Variants in HEATR5A observed in about 807,000 individuals in gnomAD.
HEATR5A encodes HEAT repeat containing 5A, also known as HEAT repeat-containing protein 5A.
Under a neutral mutation model 218.8 loss-of-function variants are expected in HEATR5A, and 178 were observed. That is an observed-to-expected ratio of 0.81 (90% CI 0.72 to 0.92). The LOEUF is 0.92. HEATR5A is among the 40% of genes least tolerant of loss of function. The pLI, the probability that HEATR5A is intolerant of heterozygous loss-of-function variation, is 0.00. For synonymous variants in HEATR5A, 864 were observed against 871.6 expected, an observed-to-expected ratio of 0.99 and a Z score of 0.15; for missense variants, 2,420 against 2,418.9, an observed-to-expected ratio of 1.00 and a Z score of -0.01.
intron 14 of HEATR5A, among the ~76,000 whole-genome samples, 182 bp downstream of exon 14, chr14:31,364,007 G>GT (rs1367146853): frequency 6.6e-6 from 1 of 151,758 alleles, no homozygotes; most frequent in Non-Finnish European, 1.5e-5. Context: ...AACCCCGAAT[G>GT]TTTTTTTTAC....
At position 31,386,502 on chromosome 14, in the gene HEATR5A, C is replaced by G. The variant is rs966020475; in HGVS notation, c.1263G>C (p.Leu421=). The change falls in exon 9 of 36, where the codon CTG becomes CTC. Residue 421 remains leucine, a synonymous_variant. Coordinates refer to ENST00000543095, the MANE Select transcript of HEATR5A (RefSeq NM_015473.4). The stretch of plus-strand genomic sequence containing the variant: ...TTCCAAGTTCTTGTAAAGCACAAAC[C>G]AGCATATGTTGGCTAGCGGCTACAT... ...STDVAASQHM[L]VCALQELGNL... 13 of 1,612,470 alleles carry G rather than the reference C, an allele frequency of 8.1e-6. No individual in the cohort carries two copies. Among genetic ancestry groups the G allele is most frequent in the Non-Finnish European group, 1.1e-5 (13 of 1,179,478 alleles).
chr14:31,297,336 GGT>G (rs1038531996), intron 33 of HEATR5A: 1 of 152,416 alleles, frequency 6.6e-6, no homozygotes, highest in South Asian at 2.1e-4. Context: ...CAGGAGCAGT[GGT>G]GTGTGTCTAT....
intron 13 of HEATR5A, among the ~76,000 whole-genome samples, chr14:31,370,441 G>A (rs560912075): frequency 1.0e-3 from 153 of 152,314 alleles, no homozygotes; most frequent in African/African-American, 3.6e-3. Context: ...GGATGGGGTA[G>A]AATTGATAAC....
At chr14:31,416,502 T>C (rs908228791) in intron 1 of HEATR5A, among the ~76,000 whole-genome samples, 7 of 152,160 alleles carry the variant, frequency 4.6e-5, no homozygotes, top group African/African-American at 1.4e-4. Flanking sequence ...TCCTTCATTT[T>C]TGTCACATAA....
chr14:31,400,846 T>A (rs1279168915), intron 2 of HEATR5A, among the ~76,000 whole-genome samples: 1 of 634 alleles, frequency 1.6e-3, no homozygotes, highest in Non-Finnish European at 0.019. Context: ...TTATTATTGT[T>A]TTTTTTTTTT....
intron 13 of HEATR5A, among the ~76,000 whole-genome samples, chr14:31,364,701 G>T (rs779804693): frequency 2.0e-5 from 3 of 152,140 alleles, no homozygotes; most frequent in African/African-American, 7.2e-5. Context: ...TGGGATTACA[G>T]GCCCAAGCCA....
chr14:31,375,029 T>G, intron 11 of HEATR5A, 61 bp from the exon 12 acceptor site: 9 of 1,370,480 alleles, frequency 6.6e-6, no homozygotes, highest in East Asian at 2.5e-5. Flanking sequence ...TTTAAAACTC[T>G]ATTATTAAGC....
At chr14:31,375,515 G>C (rs1388787143) in intron 11 of HEATR5A, among the ~76,000 whole-genome samples, 1 of 152,002 alleles carries the variant, frequency 6.6e-6, no homozygotes, top group Non-Finnish European at 1.5e-5. Flanking sequence ...GATCCTTCCA[G>C]CTCAGCCTCC....
At chr14:31,377,228 A>G (rs7160500) in intron 11 of HEATR5A, among the ~76,000 whole-genome samples, 1 of 152,034 alleles carries the variant, frequency 6.6e-6, no homozygotes, top group Admixed American at 6.6e-5. Flanking sequence ...GTAGTGTAAA[A>G]CCTGGGACAT....
At chr14:31,319,186 C>G (rs894688027) in intron 25 of HEATR5A, among the ~76,000 whole-genome samples, 3 of 152,004 alleles carry the variant, frequency 2.0e-5, no homozygotes, top group African/African-American at 7.2e-5. Context: ...AAGTCTCACT[C>G]TTGTCCCCCA....
intron 21 of HEATR5A, among the ~76,000 whole-genome samples, chr14:31,341,777 C>T (rs991565942): frequency 6.6e-6 from 1 of 150,536 alleles, no homozygotes; most frequent in Non-Finnish European, 1.5e-5. Context: ...ATAAAAAAAT[C>T]ATGTATCAGG....
intron 21 of HEATR5A, among the ~76,000 whole-genome samples, chr14:31,343,185 C>T (rs1356674759): frequency 1.3e-5 from 2 of 152,016 alleles, no homozygotes; most frequent in Admixed American, 1.3e-4. Context: ...CTCCACCTCC[C>T]GGGTTCAAGC....
At chr14:31,345,320 T>A in intron 19 of HEATR5A, 44 bp from the exon 20 acceptor site, 1 of 1,372,944 alleles carries the variant, frequency 7.3e-7, no homozygotes, top group African/African-American at 1.5e-5. Context: ...ACAGCAGCAT[T>A]AAGAAACATA....
At chr14:31,316,634 T>C (rs1899921694) in intron 26 of HEATR5A, among the ~76,000 whole-genome samples, 1 of 152,220 alleles carries the variant, frequency 6.6e-6, no homozygotes, top group African/African-American at 2.4e-5. Flanking sequence ...AAACAAAACA[T>C]CATTAATTCT....
At chr14:31,379,564 T>C (rs2029899480) in intron 11 of HEATR5A, among the ~76,000 whole-genome samples, 1 of 152,188 alleles carries the variant, frequency 6.6e-6, no homozygotes, top group Non-Finnish European at 1.5e-5. Context: ...CCAGTTGTTT[T>C]ATATCTAGCT....
intron 21 of HEATR5A, among the ~76,000 whole-genome samples, chr14:31,343,299 G>T (rs1156606693): frequency 6.6e-6 from 1 of 152,074 alleles, no homozygotes; most frequent in Non-Finnish European, 1.5e-5. Flanking sequence ...CACCATGTTG[G>T]CCAGGCTGAT....
At chr14:31,319,903 G>A (rs577389246) in intron 25 of HEATR5A, among the ~76,000 whole-genome samples, 7 of 152,058 alleles carry the variant, frequency 4.6e-5, no homozygotes, top group South Asian at 4.2e-4. Context: ...AAAATTAGCC[G>A]AGCGTGGTGG....
chr14:31,369,671 T>C (rs1462038380), intron 13 of HEATR5A, among the ~76,000 whole-genome samples: 6 of 141,032 alleles, frequency 4.3e-5, no homozygotes, highest in East Asian at 2.1e-4. Context: ...CTCATGCCTG[T>C]AATCCCAGCA....
chr14:31,317,740 T>C (rs779004830), intron 26 of HEATR5A, among the ~76,000 whole-genome samples: 17 of 152,352 alleles, frequency 1.1e-4, no homozygotes, highest in Middle Eastern at 3.4e-3. Context: ...AGACTTTTTA[T>C]TGTATCGTAT....
Sources: allele counts gnomAD v4.1 joint callset (sites outside exome capture counted in the v4.1 genomes callset), GRCh38; gene constraint gnomAD v4.1.1; transcripts MANE v1.5; gene names NCBI Gene and HGNC (gene_info 2026-07-23, HGNC 2026-07-21).